GLIS3: variants seen among roughly 807,000 people sequenced by gnomAD.
GLIS3 encodes GLIS family zinc finger 3.
In GLIS3, 53 loss-of-function variants were observed where a neutral mutation model predicts 78.6. The ratio of observed to expected loss-of-function variants is 0.67; its 90% CI spans 0.54 to 0.85. The LOEUF is 0.85. GLIS3 is among the 40% of genes least tolerant of loss of function. GLIS3 has a pLI of 0.00. For synonymous variants in GLIS3, 684 were observed against 509.9 expected, an observed-to-expected ratio of 1.34 and a Z score of -4.60; for missense variants, 1,703 against 1,231.1, an observed-to-expected ratio of 1.38 and a Z score of -5.74.
At chr9:4,131,643 AG>A (rs933960412) in intron 2 of GLIS3, among the ~76,000 whole-genome samples, 1 of 152,186 alleles carries the variant, frequency 6.6e-6, no homozygotes, top group Non-Finnish European at 1.5e-5. Context: ...AAGTTTCCTG[AG>A]GCCACCCCAA....
At chr9:4,229,375 A>C (rs377269711) in intron 2 of GLIS3, among the ~76,000 whole-genome samples, 1 of 152,270 alleles carries the variant, frequency 6.6e-6, no homozygotes, top group East Asian at 1.9e-4. Context: ...GTACATAAAG[A>C]AAGAATTGCA....
chr9:4,000,953 A>G (rs1164079856), intron 4 of GLIS3, among the ~76,000 whole-genome samples: 1 of 152,034 alleles, frequency 6.6e-6, no homozygotes, highest in African/African-American at 2.4e-5. Context: ...CTATATGCCA[A>G]TTTTTCTATT....
At chr9:4,475,186 T>C in the GLIS3 span, among the ~76,000 whole-genome samples, 1 of 151,892 alleles carries the variant, frequency 6.6e-6, no homozygotes, top group East Asian at 1.9e-4. Flanking sequence ...AAGAAATCAC[T>C]AAGACAGTGA....
chr9:4,370,682 G>T, the GLIS3 span, among the ~76,000 whole-genome samples: 1 of 150,622 alleles, frequency 6.6e-6, no homozygotes, highest in African/African-American at 2.4e-5. Flanking sequence ...ATAATAGAGT[G>T]TATTTTATAT....
intron 4 of GLIS3, chr9:4,054,418 G>A (rs1393204877): frequency 2.0e-6 from 2 of 985,248 alleles, no homozygotes; most frequent in Non-Finnish European, 2.4e-6. Context: ...TTTAACGGTT[G>A]GTTACAAACA....
intron 4 of GLIS3, among the ~76,000 whole-genome samples, chr9:4,306,900 C>T (rs186197262): frequency 9.5e-4 from 145 of 152,338 alleles, no homozygotes; most frequent in Non-Finnish European, 1.5e-3. Flanking sequence ...TAGGGCCCAA[C>T]AGTTAGACAA....
the GLIS3 span, among the ~76,000 whole-genome samples, chr9:4,359,998 G>A: frequency 6.7e-6 from 1 of 150,096 alleles, no homozygotes; most frequent in African/African-American, 2.4e-5. Context: ...TGTATTTTAA[G>A]CATTTTACTG....
chr9:4,189,013 T>G (rs1427145630), intron 2 of GLIS3, among the ~76,000 whole-genome samples: 1 of 152,088 alleles, frequency 6.6e-6, no homozygotes, highest in African/African-American at 2.4e-5. Flanking sequence ...CTGCTCTGAT[T>G]TTAGTTATTT....
intron 2 of GLIS3, among the ~76,000 whole-genome samples, chr9:4,316,056 C>T (rs1019740838): frequency 5.3e-5 from 8 of 152,152 alleles, no homozygotes; most frequent in African/African-American, 1.9e-4. Flanking sequence ...ATTTTAAATA[C>T]ATGCATATCT....
rs1438433211 is a variant in GLIS3, at chr9:3,825,596, T to A, written c.*2676A>T. On this transcript the variant is annotated 3_prime_UTR_variant, in exon 11 of 11. Coordinates refer to ENST00000381971, the MANE Select transcript of GLIS3 (RefSeq NM_001042413.2). The stretch of plus-strand genomic sequence containing the variant: ...AAAAAGACCAGGACATGAAAGGGAA[T>A]GATTTTTTTGAAGTTTCCACTTGTA... 1 of 152,086 alleles carries A rather than the reference T, an allele frequency of 6.6e-6. No homozygotes were observed. The highest frequency in any genetic ancestry group is 2.4e-5 in the African/African-American group (1 of 41,326). 9.4% of individuals were successfully genotyped at this position (152,086 alleles called of 1,614,324 possible).
chr9:4,302,105 G>A (rs187799978), upstream of GLIS3, among the ~76,000 whole-genome samples: 12 of 152,060 alleles, frequency 7.9e-5, no homozygotes, highest in East Asian at 1.7e-3. Context: ...GACTCAGAAT[G>A]AGATCTGTAC....
intron 4 of GLIS3, among the ~76,000 whole-genome samples, chr9:4,052,366 A>G (rs1311781901): frequency 2.0e-5 from 3 of 152,214 alleles, no homozygotes; most frequent in Admixed American, 6.5e-5. Context: ...TTAGCCATTT[A>G]AAAGTACATA....
At chr9:4,106,520 G>A (rs1041775800) in intron 4 of GLIS3, among the ~76,000 whole-genome samples, 3 of 152,148 alleles carry the variant, frequency 2.0e-5, no homozygotes, top group East Asian at 1.9e-4. Flanking sequence ...ATTATAAAGA[G>A]CCAGGCAATT....
intron 4 of GLIS3, among the ~76,000 whole-genome samples, chr9:4,084,787 G>A (rs1828882816): frequency 6.6e-6 from 1 of 152,014 alleles, no homozygotes; most frequent in Non-Finnish European, 1.5e-5. Context: ...GTGGACTGAC[G>A]CTGTTTCTAG....
chr9:4,054,720 C>T (rs1467263226), intron 4 of GLIS3, among the ~76,000 whole-genome samples: 1 of 152,074 alleles, frequency 6.6e-6, no homozygotes, highest in Non-Finnish European at 1.5e-5. Flanking sequence ...CAAACTAGAA[C>T]ATTTTGAATC....
the GLIS3 span, among the ~76,000 whole-genome samples, chr9:4,369,711 C>G: frequency 6.6e-6 from 1 of 152,142 alleles, no homozygotes; most frequent in Admixed American, 6.5e-5. Context: ...TATTGGAAGA[C>G]TTGGCTTTGA....
At chr9:4,291,608 A>G (rs1470971452) in intron 1 of GLIS3, among the ~76,000 whole-genome samples, 1 of 152,074 alleles carries the variant, frequency 6.6e-6, no homozygotes, top group Non-Finnish European at 1.5e-5. Flanking sequence ...AGGAGAGAAA[A>G]GGGAGAGGAA....
At chr9:4,050,518 G>GAA (rs1825673411) in intron 4 of GLIS3, among the ~76,000 whole-genome samples, 2 of 152,216 alleles carry the variant, frequency 1.3e-5, no homozygotes, top group East Asian at 3.9e-4. Flanking sequence ...GATGGGTGCA[G>GAA]CAAGCCAACA....
chr9:4,351,199 G>A (rs919373920), upstream of GLIS3, among the ~76,000 whole-genome samples: 12 of 152,096 alleles, frequency 7.9e-5, no homozygotes, highest in African/African-American at 2.9e-4. Flanking sequence ...GCCAAGATCA[G>A]GCCACTGCAC....
Sources: gnomAD v4.1 joint callset for allele counts (sites outside exome capture counted in the v4.1 genomes callset) on GRCh38, gnomAD v4.1.1 for gene constraint, MANE v1.5 for transcripts, NCBI Gene and HGNC (gene_info 2026-07-23, HGNC 2026-07-21) for gene names.